The following FLNC variants were observed in gnomAD, a reference collection of about 807,000 sequenced individuals.
The protein encoded by FLNC is filamin-C.
A neutral mutation model predicts 254.3 loss-of-function variants in FLNC; 91 were observed. The observed-to-expected ratio is 0.36, with a 90% confidence interval of 0.30 to 0.43. The LOEUF (loss-of-function observed/expected upper bound fraction) is 0.43. Among genes scored for constraint, FLNC ranks in the 20% least tolerant of loss-of-function variants. The pLI, the probability that FLNC is intolerant of heterozygous loss-of-function variation, is 1.00. For synonymous variants in FLNC, 1,430 were observed against 1,577.2 expected, an observed-to-expected ratio of 0.91 and a Z score of 2.21; for missense variants, 2,853 against 3,802.6, an observed-to-expected ratio of 0.75 and a Z score of 6.57.
chr7:128,846,652 C>T (rs1482586152), intron 23 of FLNC, 93 bp from the exon 24 acceptor site: 1 of 1,417,118 alleles, frequency 7.1e-7, no homozygotes, highest in Admixed American at 1.9e-5. Flanking sequence ...TCCCCAGCGG[C>T]CTGCCCTCTT....
At position 128,848,608 on chromosome 7, in the gene FLNC, G is replaced by A. The variant is rs369178040; in HGVS notation, c.4628G>A (p.Arg1543Gln). 1.9e-5 allele frequency: 31 copies of A among 1,613,772 alleles called. No homozygotes were observed. The highest frequency in any genetic ancestry group is 6.6e-5 in the South Asian group (6 of 91,076). ...CCAGCTCATGATGCCAGCAAGGTGC[G>A]GGCCAGCGGCCCAGGCCTCAACGCC... ...VLPAHDASKV[R>Q]ASGPGLNASG... Residue 1543 changes from arginine to glutamine, a missense_variant, in exon 27 of 48, where the codon CGG becomes CAG. Around this residue, in one of 10 missense-constraint regions of FLNC, gnomAD observed 1,573 missense variants for 1,883.5 expected, o/e 0.84. Transcript: ENST00000325888.
rs1359520022 is a variant in FLNC at position 128,841,468 on chromosome 7, G to A, written c.2022G>A (p.Gly674=). The A allele has an allele frequency of 1.2e-6, 2 of 1,614,102 alleles. No individual in the cohort carries two copies. Among genetic ancestry groups the A allele is most frequent in the South Asian group, 1.1e-5 (1 of 91,086 alleles). Residue 674 remains glycine (G), a synonymous_variant, in exon 13 of 48, where the codon GGG becomes GGA. Transcript: ENST00000325888. This position sits in a 1 kb window ranked among gnomAD's most constrained non-coding sequence, Gnocchi z 4.3. ...DCFPDKVKAF[G]PGLEPTGCIV... The stretch of plus-strand genomic sequence containing the variant: ...CCTCCGCACAGGTGAAGGCCTTTGG[G>A]CCTGGCCTGGAGCCTACCGGCTGCA...
rs553400393 is a variant in FLNC at position 128,848,867 on chromosome 7, G to A, written c.4812G>A (p.Pro1604=). The part of the protein sequence containing the change: ...GDGTYTVSYL[P]DMSGRYTITI... ...GCACGTACACTGTGTCCTACCTGCC[G>A]GACATGAGTGGCCGGTACACCATCA... Residue 1604 remains proline (P), a synonymous_variant, in exon 28 of 48, where the codon CCG becomes CCA. Transcript: ENST00000325888. 1.4e-5 allele frequency: 22 copies of A among 1,614,064 alleles called. No homozygotes were observed. The highest frequency in any genetic ancestry group is 1.1e-4 in the African/African-American group (8 of 75,040).
At chr7:128,834,601 A>G (rs1038338253) in intron 1 of FLNC, among the ~76,000 whole-genome samples, 6 of 152,074 alleles carry the variant, frequency 3.9e-5, no homozygotes, top group African/African-American at 1.5e-4. Flanking sequence ...CATTCAACCA[A>G]TATTTATTGA....
chr7:128,851,372 G>T lies in FLNC; in HGVS notation c.5668+12G>T, dbSNP rs761017116. 4.3e-6 allele frequency: 7 copies of T among 1,614,102 alleles called. No individual in the cohort carries two copies. In the South Asian group the frequency reaches 7.7e-5, roughly 18 times the overall value. On this transcript the variant is annotated intron_variant, in intron 34 of 47. Transcript: ENST00000325888. ...AGATGCTGGAGAAGGTGAGGGAGCT[G>T]CAGGTCGCAGGCTGGGGTGGAGACT... is the stretch of plus-strand genomic sequence containing the variant.
chr7:128,840,849 G>C lies in FLNC; in HGVS notation c.1692G>C (p.Gln564His). 6.2e-7 allele frequency: 1 copy of C among 1,614,124 alleles called. No homozygotes were observed. The highest frequency in any genetic ancestry group is 8.5e-7 in the Non-Finnish European group (1 of 1,180,024). Residue 564 changes from glutamine to histidine, a missense_variant, in exon 11 of 48, where the codon CAG becomes CAC. By Grantham distance (24) the Gln-to-His change is conservative. Coordinates refer to ENST00000325888, the MANE Select transcript of FLNC (RefSeq NM_001458.5). ...CTCTGCCCAGCCCCTTTGAGGTACAGGTGAGCCCAGAGGCAGGAGTGCAAA... is the reference window on the plus strand; with the variant it reads ...CTCTGCCCAGCCCCTTTGAGGTACACGTGAGCCCAGAGGCAGGAGTGCAAA... ...YAIPRSPFEV[Q>H]VSPEAGVQKV...
At position 128,841,116 on chromosome 7, in the gene FLNC, A is replaced by G; in HGVS notation, c.1814-54A>G. On this transcript the variant is annotated intron_variant, in intron 11 of 47. Transcript: ENST00000325888. This position sits in a 1 kb window ranked among gnomAD's most constrained non-coding sequence, Gnocchi z 4.3. ...AGGGCAGCTAGAGGGGAGCTGGGGG[A>G]CGGAAGGGTCTTGCCTGATGCTGGA... 1.3e-6 allele frequency: 2 copies of G among 1,598,740 alleles called. No individual in the cohort carries two copies. Among genetic ancestry groups the G allele is most frequent in the Non-Finnish European group, 1.7e-6 (2 of 1,170,024 alleles).
Position 128,848,799 on chromosome 7 carries a change from G to A in FLNC, c.4744G>A (p.Glu1582Lys), listed in dbSNP as rs753022721. The A allele has an allele frequency of 2.8e-5, 45 of 1,614,046 alleles. No homozygotes were observed. Among genetic ancestry groups the A allele is most frequent in the Middle Eastern group, 1.6e-4 (1 of 6,084 alleles). ...ACCTCTGCTTCTCCCTCAGGACCCCGAGGGTAAGCCCAAGAAGGCCAACAT... is the reference window on the plus strand; with the variant it reads ...ACCTCTGCTTCTCCCTCAGGACCCCAAGGGTAAGCCCAAGAAGGCCAACAT... Reference protein sequence around the residue: ...GLLTVQILDPEGKPKKANIRD... With the variant: ...GLLTVQILDPKGKPKKANIRD... The change falls in exon 28 of 48, where the codon GAG (glutamate) becomes AAG (lysine). Residue 1582 changes from glutamate to lysine, a missense_variant. Glu to Lys is a moderately conservative substitution (Grantham distance 56). This residue lies in a region of FLNC where 1,573 missense variants were observed against 1,883.5 expected (regional missense o/e 0.84). Transcript: ENST00000325888.
rs115851781 is a variant in FLNC, at chr7:128,848,385, G to A, written c.4581-176G>A. 0.026 allele frequency among the ~76,000 whole-genome samples: 3,905 copies of A among 152,164 alleles called. 166 individuals are homozygous for A. Among genetic ancestry groups the A allele is most frequent in the African/African-American group, 0.089 (3,692 of 41,494 alleles). ...GGCTCTGTCGAGGGAGTCCCAGAGT[G>A]CCCCCACCCCCAGACATGGAATGTC... On this transcript the variant is annotated intron_variant, in intron 26 of 47. Coordinates refer to ENST00000325888, the MANE Select transcript of FLNC (RefSeq NM_001458.5).
Position 128,846,901 on chromosome 7 carries a change from C to T in FLNC, c.4284C>T (p.Ile1428=). 9 of 1,614,188 alleles carry T rather than the reference C, an allele frequency of 5.6e-6. No individual in the cohort carries two copies. The highest frequency in any genetic ancestry group is 7.6e-6 in the Non-Finnish European group (9 of 1,180,022). ...DVNITFGGRP[I]PGSPFRVPVK... The stretch of plus-strand genomic sequence containing the variant: ...ACATCACCTTCGGGGGGCGGCCCAT[C>T]CCAGGTGTGCAGAGAGAGTGGTCGG... The change falls in exon 24 of 48, where the codon ATC becomes ATT. Residue 1428 remains isoleucine, a synonymous_variant. Coordinates refer to ENST00000325888, the MANE Select transcript of FLNC (RefSeq NM_001458.5).
At position 128,843,304 on chromosome 7, in the gene FLNC, G is replaced by A; in HGVS notation, c.2626G>A (p.Gly876Arg). The change falls in exon 17 of 48, where the codon GGG becomes AGG. Residue 876 changes from glycine (G) to arginine (R), a missense_variant. Coordinates refer to ENST00000325888, the MANE Select transcript of FLNC (RefSeq NM_001458.5). Reference sequence around the variant, plus strand: ...CAGCAAAGTCAAGGCCGAGGGCCCTGGGCTGAATCGCACAGGTGAGTGTCT... The same window carrying A: ...CAGCAAAGTCAAGGCCGAGGGCCCTAGGCTGAATCGCACAGGTGAGTGTCT... ...DASKVKAEGP[G>R]LNRTGVEVGK... 6.2e-7 allele frequency: 1 copy of A among 1,613,056 alleles called. No homozygotes were observed. Among genetic ancestry groups the A allele is most frequent in the Non-Finnish European group, 8.5e-7 (1 of 1,179,552 alleles).
rs777055328 is a variant in FLNC, at chr7:128,847,987, C to T, written c.4499C>T (p.Thr1500Ile). 1.2e-6 allele frequency: 2 copies of T among 1,610,854 alleles called. No homozygotes were observed. Among genetic ancestry groups the T allele is most frequent in the Non-Finnish European group, 1.7e-6 (2 of 1,178,608 alleles). ...PVEVRDNGDG[T>I]HTVHYTPATD... Reference sequence around the variant, plus strand: ...GAGGTGCGGGACAATGGAGATGGCACCCACACTGTCCACTACACCCCAGCC... The same window carrying T: ...GAGGTGCGGGACAATGGAGATGGCATCCACACTGTCCACTACACCCCAGCC... The change falls in exon 26 of 48, where the codon ACC (threonine) becomes ATC (isoleucine). Residue 1500 changes from threonine (T) to isoleucine (I), a missense_variant. Physicochemically the swap from Thr to Ile is moderately conservative, Grantham distance 89. This residue lies in a region of FLNC where 1,573 missense variants were observed against 1,883.5 expected (regional missense o/e 0.84). Transcript: ENST00000325888.
rs539034388 is a variant in FLNC at position 128,841,139 on chromosome 7, G to A, written c.1814-31G>A. The stretch of plus-strand genomic sequence containing the variant: ...GGACGGAAGGGTCTTGCCTGATGCT[G>A]GATCCCCGACCCTCCCCCACCTTGC... On this transcript the variant is annotated intron_variant, in intron 11 of 47. Coordinates refer to ENST00000325888, the MANE Select transcript of FLNC (RefSeq NM_001458.5). The surrounding 1 kb of genome is among the most constrained non-coding windows in gnomAD (Gnocchi z 4.3). The A allele has an allele frequency of 6.8e-6, 11 of 1,609,548 alleles. No homozygotes were observed. Among genetic ancestry groups the A allele is most frequent in the Non-Finnish European group, 9.3e-6 (11 of 1,177,844 alleles).
Position 128,850,723 on chromosome 7 carries a change from A to G in FLNC, c.5399-80A>G. 3 of 1,598,970 alleles carry G rather than the reference A, an allele frequency of 1.9e-6. 1 individual carries two copies. In the South Asian group the frequency reaches 3.3e-5, roughly 18 times the overall value. ...TGGCTTCTCGGGTGGCAGCAGAAGC[A>G]CTCAGGACCAGGCCTGGGACAGCAG... On this transcript the variant is annotated intron_variant, in intron 32 of 47. Coordinates refer to ENST00000325888, the MANE Select transcript of FLNC (RefSeq NM_001458.5).
intron 30 of FLNC, 41 bp downstream of exon 30, chr7:128,849,619 G>A (rs368858405): frequency 6.2e-7 from 1 of 1,607,750 alleles, no homozygotes; most frequent in Non-Finnish European, 8.5e-7. Context: ...GGCTGGGGAG[G>A]GGGGCCTGGC....
chr7:128,838,360 C>T lies in FLNC; in HGVS notation c.1141C>T (p.Arg381Cys), dbSNP rs770692923. ...ALGDANKVSARGPGLEPVGNV... is the reference protein window; with the variant it reads ...ALGDANKVSACGPGLEPVGNV... ...GGGAGATGCCAACAAGGTGTCAGCCCGTGGCCCTGGCCTGGAACCTGTGGG... is the reference window on the plus strand; with the variant it reads ...GGGAGATGCCAACAAGGTGTCAGCCTGTGGCCCTGGCCTGGAACCTGTGGG... The change falls in exon 7 of 48, where the codon CGT becomes TGT. Residue 381 changes from arginine to cysteine, a missense_variant. Physicochemically the swap from Arg to Cys is radical, Grantham distance 180. Coordinates refer to ENST00000325888, the MANE Select transcript of FLNC (RefSeq NM_001458.5). 9 of 1,613,980 alleles carry T rather than the reference C, an allele frequency of 5.6e-6. No individual in the cohort carries two copies. The highest frequency in any genetic ancestry group is 2.7e-5 in the African/African-American group (2 of 74,928).
intron 23 of FLNC, 90 bp from the exon 24 acceptor site, chr7:128,846,655 G>A (rs1236974779): frequency 5.6e-6 from 8 of 1,431,226 alleles, no homozygotes; most frequent in Non-Finnish European, 7.7e-6. Context: ...CCAGCGGCCT[G>A]CCCTCTTTCC....
Position 128,856,636 on chromosome 7 carries a change from CT to C in FLNC, c.7371del (p.Glu2458SerfsTer71), listed in dbSNP as rs1554401780. ...GGGGCTGTGGAGGAGTGCTACGTCT[CT>C]GAGCTGGACAGTGGTGAGCTGGCCC... ...PSGAVEECYV[S>X]ELDSDKHTIR... On this transcript the variant is annotated frameshift_variant, in exon 44 of 48. Coordinates refer to ENST00000325888, the MANE Select transcript of FLNC (RefSeq NM_001458.5). LOFTEE classifies it high-confidence loss of function. This position sits in a 1 kb window ranked among gnomAD's most constrained non-coding sequence, Gnocchi z 5.9. 1.2e-6 allele frequency: 2 copies of C among 1,613,068 alleles called. No individual in the cohort carries two copies. Among genetic ancestry groups the C allele is most frequent in the Non-Finnish European group, 8.5e-7 (1 of 1,180,006 alleles).
In FLNC at chr7:128,844,286, T is replaced by A; in HGVS notation, c.3192+20T>A. ...TCCAAGGTGAGGAGATAGGAGCTGG[T>A]TGGGGCTGGGAGTTGGGGACTTGTT... On this transcript the variant is annotated intron_variant, in intron 20 of 47. Transcript: ENST00000325888. 1 of 1,592,976 alleles carries A rather than the reference T, an allele frequency of 6.3e-7. No homozygotes were observed. The highest frequency in any genetic ancestry group is 8.6e-7 in the Non-Finnish European group (1 of 1,167,996).
Sources: allele counts gnomAD v4.1 joint callset (sites outside exome capture counted in the v4.1 genomes callset), GRCh38; gene constraint gnomAD v4.1.1; regional missense constraint gnomAD v4.1.1; non-coding constraint Gnocchi (gnomAD v3.1); transcripts MANE v1.5; gene names NCBI Gene and HGNC (gene_info 2026-07-23, HGNC 2026-07-21).